Variants in C2CD3 observed in about 807,000 individuals in gnomAD.
C2CD3 encodes the protein C2 domain-containing protein 3.
Under a neutral mutation model 234.0 loss-of-function variants are expected in C2CD3, and 148 were observed. That is an observed-to-expected ratio of 0.63 (90% CI 0.55 to 0.72). C2CD3 has a LOEUF of 0.72. Ranked by LOEUF, C2CD3 falls within the 30% of genes least tolerant of loss-of-function variation. The pLI is 0.00. For synonymous variants in C2CD3, 1,000 were observed against 1,035.4 expected (o/e 0.97, Z 0.66); for missense variants, 2,577 against 2,811.5 (o/e 0.92, Z 1.89).
At chr11:74,149,425 T>C (rs80230320) in intron 3 of C2CD3, among the ~76,000 whole-genome samples, 10,206 of 152,200 alleles carry the variant, frequency 0.067, 856 homozygotes, top group African/African-American at 0.2. Flanking sequence ...GAACGTGAAC[T>C]CCTGGGCTCA....
At chr11:74,108,501 C>T (rs922258686) in intron 12 of C2CD3, among the ~76,000 whole-genome samples, 9 of 152,136 alleles carry the variant, frequency 5.9e-5, no homozygotes, top group Non-Finnish European at 8.8e-5. Context: ...ATTAGTTGAT[C>T]AAAACTGCTA....
At chr11:74,056,978 T>C (rs1414908922) in intron 25 of C2CD3, among the ~76,000 whole-genome samples, 1 of 150,862 alleles carries the variant, frequency 6.6e-6, no homozygotes, top group African/African-American at 2.4e-5. Flanking sequence ...CAAGTGATGC[T>C]CCCACCTGGG....
At chr11:74,150,056 T>C (rs1240863747) in intron 3 of C2CD3, among the ~76,000 whole-genome samples, 1 of 152,154 alleles carries the variant, frequency 6.6e-6, no homozygotes, top group Non-Finnish European at 1.5e-5. Context: ...TTATAGAATC[T>C]TGTTTTTGTT....
At chr11:74,136,103 C>T (rs1379673642) in intron 5 of C2CD3, among the ~76,000 whole-genome samples, 2 of 151,574 alleles carry the variant, frequency 1.3e-5, no homozygotes, top group Non-Finnish European at 2.9e-5. Flanking sequence ...TATATACCTC[C>T]TGAATCTAAA....
At chr11:74,064,780 C>A (rs1402507649) in intron 24 of C2CD3, among the ~76,000 whole-genome samples, 1 of 152,138 alleles carries the variant, frequency 6.6e-6, no homozygotes, top group Non-Finnish European at 1.5e-5. Context: ...CATCTACAAC[C>A]ATCTGATCTT....
intron 3 of C2CD3, among the ~76,000 whole-genome samples, chr11:74,150,015 T>C (rs1462653863): frequency 6.6e-6 from 1 of 152,208 alleles, no homozygotes; most frequent in Non-Finnish European, 1.5e-5. Context: ...TAATTCTTTG[T>C]GTGTGACTGT....
At chr11:74,059,027 C>T (rs826048) in intron 24 of C2CD3, among the ~76,000 whole-genome samples, 21,794 of 151,878 alleles carry the variant, frequency 0.14, 4,442 homozygotes, top group African/African-American at 0.46. Context: ...ATATATTTCA[C>T]GAGATCACTT....
At chr11:74,149,733 C>A (rs1161153118) in intron 3 of C2CD3, among the ~76,000 whole-genome samples, 1 of 152,014 alleles carries the variant, frequency 6.6e-6, no homozygotes, top group Non-Finnish European at 1.5e-5. Flanking sequence ...TGTGTTGTAT[C>A]TCTTGTTTGC....
rs58806804 is a variant in C2CD3 at position 74,153,210 on chromosome 11, A to AAAAACAAAACAAAACAAAAC, written c.483+8169_483+8188dup. On this transcript the variant is annotated intron_variant, in intron 3 of 32. Coordinates refer to ENST00000334126, the MANE Select transcript of C2CD3 (RefSeq NM_001286577.2). ...GTGACAGAGTGAGACTCTGTCTCTT[A>AAAAACAAAACAAAACAAAAC]AAAACAAAACAAAACAAAACAAAAC... Among the ~76,000 whole-genome samples, 242 of 148,138 alleles carry AAAAACAAAACAAAACAAAAC rather than the reference A, an allele frequency of 1.6e-3. 1 individual carries two copies. The highest frequency in any genetic ancestry group is 1.9e-3 in the Non-Finnish European group (125 of 67,214).
At chr11:74,023,293 T>C (rs998812932) in intron 32 of C2CD3, among the ~76,000 whole-genome samples, 3 of 152,242 alleles carry the variant, frequency 2.0e-5, no homozygotes, top group Admixed American at 1.3e-4. Context: ...AGCTTTAGTA[T>C]AGCAGTCCTA....
At chr11:74,154,752 A>C (rs1311955865) in intron 3 of C2CD3, among the ~76,000 whole-genome samples, 1 of 152,222 alleles carries the variant, frequency 6.6e-6, no homozygotes, top group Non-Finnish European at 1.5e-5. Flanking sequence ...ATTTACAAAT[A>C]TAGGTGATGA....
At chr11:74,023,279 G>C (rs1358338091) in intron 32 of C2CD3, among the ~76,000 whole-genome samples, 4 of 152,242 alleles carry the variant, frequency 2.6e-5, no homozygotes, top group Non-Finnish European at 5.9e-5. Context: ...CCCGGAAGCA[G>C]ATCAGCTTTA....
Position 74,078,508 on chromosome 11 carries a change from G to A in C2CD3, c.4210C>T (p.Pro1404Ser). The A allele has an allele frequency of 6.2e-7, 1 of 1,614,108 alleles. No individual in the cohort carries two copies. The highest frequency in any genetic ancestry group is 8.5e-7 in the Non-Finnish European group (1 of 1,180,014). ...KDFVRMDEGE[P>S]ATVTISTPRL... The stretch of plus-strand genomic sequence containing the variant: ...GGGGTGGAGATGGTGACAGTGGCTG[G>A]CTCCCCTTCATCCATTCTGACAAAA... The change falls in exon 23 of 33, where the codon CCA becomes TCA. Residue 1404 changes from proline (P) to serine (S), a missense_variant. Coordinates refer to ENST00000334126, the MANE Select transcript of C2CD3 (RefSeq NM_001286577.2).
chr11:74,170,786 G>C lies in C2CD3; in HGVS notation c.7C>G (p.Gln3Glu). Residue 3 changes from glutamine to glutamate, a missense_variant, in exon 1 of 33, where the codon CAA becomes GAA. By Grantham distance (29) the Gln-to-Glu change is conservative. Coordinates refer to ENST00000334126, the MANE Select transcript of C2CD3 (RefSeq NM_001286577.2). MK[Q>E]RKGQGSGGSR... is the part of the protein sequence containing the mutation. ...CCCCCAGACCCTTGGCCTTTTCGTT[G>C]TTTCATGATGAGCCCGAGCTCTTCT... 1 of 1,614,106 alleles carries C rather than the reference G, an allele frequency of 6.2e-7. No homozygotes were observed. The highest frequency in any genetic ancestry group is 8.5e-7 in the Non-Finnish European group (1 of 1,180,012).
intron 3 of C2CD3, among the ~76,000 whole-genome samples, chr11:74,158,249 C>G (rs1856170521): frequency 6.6e-6 from 1 of 152,166 alleles, no homozygotes; most frequent in African/African-American, 2.4e-5. Flanking sequence ...AGGGACAACC[C>G]ACTGAGTGGG....
In C2CD3 at chr11:74,147,799, A is replaced by G. The variant is rs146199660; in HGVS notation, c.484-7971T>C. Reference sequence around the variant, plus strand: ...CTGTCCTACTTTTTTGTATTTTTCCATGCTGAAACAGGATTTCCAGAAATG... The same window carrying G: ...CTGTCCTACTTTTTTGTATTTTTCCGTGCTGAAACAGGATTTCCAGAAATG... On this transcript the variant is annotated intron_variant, in intron 3 of 32. Transcript: ENST00000334126. Among the ~76,000 whole-genome samples the G allele has an allele frequency of 3.4e-3, 515 of 152,320 alleles. 2 individuals are homozygous for G. The highest frequency in any genetic ancestry group is 6.8e-3 in the Middle Eastern group (2 of 294).
intron 16 of C2CD3, among the ~76,000 whole-genome samples, chr11:74,095,946 G>A (rs879414706): frequency 2.0e-5 from 3 of 152,130 alleles, no homozygotes; most frequent in Non-Finnish European, 4.4e-5. Flanking sequence ...TCCTCAGTCT[G>A]GCCATTCAGA....
In C2CD3 at chr11:74,033,639, G is replaced by C. The variant is rs555010579; in HGVS notation, c.6521C>G (p.Pro2174Arg). The change falls in exon 31 of 33, where the codon CCC becomes CGC. Residue 2174 changes from proline (P) to arginine (R), a missense_variant. Coordinates refer to ENST00000334126, the MANE Select transcript of C2CD3 (RefSeq NM_001286577.2). ...GGESASANPQPIPCPTLSGAQ... is the reference protein window; with the variant it reads ...GGESASANPQRIPCPTLSGAQ... ...TCCTGAGAGTGTTGGGCATGGGATG[G>C]GCTGAGGGTTGGCTGAGGCAGACTC... is the stretch of plus-strand genomic sequence containing the variant. 1 of 1,536,162 alleles carries C rather than the reference G, an allele frequency of 6.5e-7. No homozygotes were observed. The highest frequency in any genetic ancestry group is 1.2e-5 in the South Asian group (1 of 84,060).
At chr11:74,014,447 G>A (rs3817540) in intron 32 of C2CD3, among the ~76,000 whole-genome samples, 1 of 152,232 alleles carries the variant, frequency 6.6e-6, no homozygotes, top group Non-Finnish European at 1.5e-5. Context: ...CCTGGGCACT[G>A]AGAAGAAGCT....
Sources: allele counts gnomAD v4.1 joint callset (sites outside exome capture counted in the v4.1 genomes callset), GRCh38; gene constraint gnomAD v4.1.1; transcripts MANE v1.5; gene names NCBI Gene and HGNC (gene_info 2026-07-23, HGNC 2026-07-21).